Variants in CDH12 observed in about 807,000 individuals in gnomAD.
CDH12 encodes the protein cadherin 12.
Under a neutral mutation model 74.1 loss-of-function variants are expected in CDH12, and 41 were observed. The ratio of observed to expected loss-of-function variants is 0.55; its 90% CI spans 0.43 to 0.72. The LOEUF (loss-of-function observed/expected upper bound fraction) is 0.72, where lower values mean the gene tolerates loss of function less well. Among genes scored for constraint, CDH12 ranks in the 30% least tolerant of loss-of-function variants. The pLI, the probability that CDH12 is intolerant of heterozygous loss-of-function variation, is 0.00. For synonymous variants in CDH12, 399 were observed against 355.0 expected, an observed-to-expected ratio of 1.12 and a Z score of -1.39; for missense variants, 945 against 977.2, an observed-to-expected ratio of 0.97 and a Z score of 0.44.
At chr5:22,828,123 G>GAGAGTTTGGAACTTCC (rs1736424450) in intron 1 of CDH12, among the ~76,000 whole-genome samples, 1 of 152,056 alleles carries the variant, frequency 6.6e-6, no homozygotes, top group Non-Finnish European at 1.5e-5. Flanking sequence ...TATGAAAAGG[G>GAGAGTTTGGAACTTCC]CAAATAATCT....
intron 3 of CDH12, among the ~76,000 whole-genome samples, chr5:22,216,949 G>A (rs1751827361): frequency 6.6e-6 from 1 of 151,762 alleles, no homozygotes; most frequent in Non-Finnish European, 1.5e-5. Flanking sequence ...TTATGAAAAT[G>A]CATCTATTTG....
At position 22,391,770 on chromosome 5, in the gene CDH12, T is replaced by C. The variant is rs557106192; in HGVS notation, c.-333+13487A>G. On this transcript the variant is annotated intron_variant, in intron 3 of 14. Coordinates refer to ENST00000382254, the MANE Select transcript of CDH12 (RefSeq NM_004061.5). Reference sequence around the variant, plus strand: ...TTTATCTTATCAATATCATGGTCAATATAAATCAATCAAATAAAACCAATA... The same window carrying C: ...TTTATCTTATCAATATCATGGTCAACATAAATCAATCAAATAAAACCAATA... Among the ~76,000 whole-genome samples the C allele has an allele frequency of 1.2e-3, 177 of 152,228 alleles. 2 individuals are homozygous for C. Among genetic ancestry groups the C allele is most frequent in the African/African-American group, 3.9e-3 (163 of 41,558 alleles).
chr5:22,681,421 T>C (rs1183903098), intron 1 of CDH12, among the ~76,000 whole-genome samples: 1 of 152,020 alleles, frequency 6.6e-6, no homozygotes, highest in African/African-American at 2.4e-5. Context: ...TTTGCTAAGT[T>C]CCATGCCTGA....
At chr5:22,448,969 C>T (rs1744937456) in intron 2 of CDH12, among the ~76,000 whole-genome samples, 1 of 151,608 alleles carries the variant, frequency 6.6e-6, no homozygotes, top group Admixed American at 6.6e-5. Flanking sequence ...CCTTAAATGT[C>T]TTCATATAAT....
chr5:21,847,817 T>C (rs1248479339), intron 7 of CDH12, among the ~76,000 whole-genome samples: 2 of 152,138 alleles, frequency 1.3e-5, no homozygotes, highest in Non-Finnish European at 2.9e-5. Context: ...TTTCTTTCTC[T>C]AACATTCTCT....
intron 8 of CDH12, among the ~76,000 whole-genome samples, chr5:21,830,931 C>T (rs769117084): frequency 2.0e-5 from 3 of 151,654 alleles, no homozygotes; most frequent in African/African-American, 4.8e-5. Context: ...CCCAGCTACT[C>T]GGGAGGCTGA....
At chr5:22,573,518 G>T (rs546073875) in intron 1 of CDH12, among the ~76,000 whole-genome samples, 1 of 152,084 alleles carries the variant, frequency 6.6e-6, no homozygotes, top group Non-Finnish European at 1.5e-5. Context: ...GAATTATTTA[G>T]CATGTGGTTA....
chr5:22,811,493 T>G (rs1749148051), intron 1 of CDH12, among the ~76,000 whole-genome samples: 1 of 152,186 alleles, frequency 6.6e-6, no homozygotes, highest in Admixed American at 6.5e-5. Flanking sequence ...TACAGTGATT[T>G]GCCCAGTGAT....
chr5:22,762,090 T>C lies in CDH12; in HGVS notation c.-523+90968A>G, dbSNP rs145817656. 3.5e-3 allele frequency among the ~76,000 whole-genome samples: 534 copies of C among 152,220 alleles called. 2 individuals are homozygous for C. The highest frequency in any genetic ancestry group is 0.012 in the African/African-American group (512 of 41,566). ...AATTGATTCAGGTAAAATACCTAGTTAGTAGTTAAACTGGCAATCAAAGTC... is the reference window on the plus strand; with the variant it reads ...AATTGATTCAGGTAAAATACCTAGTCAGTAGTTAAACTGGCAATCAAAGTC... On this transcript the variant is annotated intron_variant, in intron 1 of 14. Transcript: ENST00000382254.
At chr5:21,855,142 T>G (rs1750689251) in intron 6 of CDH12, among the ~76,000 whole-genome samples, 1 of 151,760 alleles carries the variant, frequency 6.6e-6, no homozygotes, top group African/African-American at 2.4e-5. Flanking sequence ...ATTTTATGAT[T>G]AGGATATCAA....
intron 4 of CDH12, among the ~76,000 whole-genome samples, chr5:22,172,861 T>C (rs1749115001): frequency 6.6e-6 from 1 of 151,692 alleles, no homozygotes; most frequent in South Asian, 2.1e-4. Flanking sequence ...TTTAGTTCAT[T>C]AGATGCTGTG....
At chr5:22,197,404 G>A (rs538772177) in intron 4 of CDH12, among the ~76,000 whole-genome samples, 1 of 152,226 alleles carries the variant, frequency 6.6e-6, no homozygotes, top group East Asian at 1.9e-4. Context: ...CCAAGAGTCC[G>A]CCACTGCACT....
intron 3 of CDH12, among the ~76,000 whole-genome samples, chr5:22,356,866 A>C (rs1740584056): frequency 6.6e-6 from 1 of 152,148 alleles, no homozygotes; most frequent in Admixed American, 6.6e-5. Context: ...ATGGTCTGAG[A>C]AAAAAGTTTG....
intron 3 of CDH12, among the ~76,000 whole-genome samples, chr5:22,333,372 C>T (rs561914016): frequency 2.9e-4 from 44 of 152,092 alleles, no homozygotes; most frequent in African/African-American, 8.0e-4. Context: ...GCAAGTGAGG[C>T]TTAAAACCTA....
intron 2 of CDH12, among the ~76,000 whole-genome samples, chr5:22,503,845 T>G (rs1204139227): frequency 6.6e-6 from 1 of 152,080 alleles, no homozygotes; most frequent in Non-Finnish European, 1.5e-5. Context: ...GAGAAAGTGC[T>G]GCATTTATCA....
At chr5:22,018,751 T>C (rs1373408345) in intron 5 of CDH12, among the ~76,000 whole-genome samples, 2 of 152,154 alleles carry the variant, frequency 1.3e-5, no homozygotes, top group South Asian at 2.1e-4. Context: ...TAATGACTAG[T>C]CCTATTGGTA....
At chr5:21,892,664 T>C (rs1446862434) in intron 6 of CDH12, among the ~76,000 whole-genome samples, 1 of 152,118 alleles carries the variant, frequency 6.6e-6, no homozygotes, top group Non-Finnish European at 1.5e-5. Context: ...TATAAAAATG[T>C]TTGCATCAGT....
At chr5:21,962,948 C>A (rs749841484) in intron 6 of CDH12, among the ~76,000 whole-genome samples, 16 of 152,210 alleles carry the variant, frequency 1.1e-4, no homozygotes, top group East Asian at 1.9e-4. Flanking sequence ...TATAGAGCAG[C>A]TTTTGACGAA....
intron 1 of CDH12, among the ~76,000 whole-genome samples, chr5:22,729,327 A>G (rs758481784): frequency 6.6e-6 from 1 of 151,874 alleles, no homozygotes; most frequent in Non-Finnish European, 1.5e-5. Context: ...CAAGCCATCC[A>G]GGGCATGATG....
Sources: gnomAD v4.1 joint callset for allele counts (sites outside exome capture counted in the v4.1 genomes callset) on GRCh38, gnomAD v4.1.1 for gene constraint, MANE v1.5 for transcripts, NCBI Gene and HGNC (gene_info 2026-07-23, HGNC 2026-07-21) for gene names.